The following MROH2B variants were observed in gnomAD, a reference collection of about 807,000 sequenced individuals.
MROH2B encodes maestro heat like repeat family member 2B, also known as maestro heat-like repeat-containing protein family member 2B.
Under a neutral mutation model 208.6 loss-of-function variants are expected in MROH2B, and 177 were observed. The observed-to-expected ratio is 0.85, with a 90% CI of 0.75 to 0.96. The LOEUF (loss-of-function observed/expected upper bound fraction) is 0.96, where lower values mean the gene tolerates loss of function less well. MROH2B is among the 40% of genes least tolerant of loss of function. The probability of loss-of-function intolerance (pLI) is 0.00; values close to 1 mark genes in which losing one functional copy is unlikely to be tolerated. For synonymous variants in MROH2B, 728 were observed against 659.0 expected (o/e 1.10, Z -1.60); for missense variants, 2,002 against 1,878.7 (o/e 1.07, Z -1.21).
chr5:41,057,347 AT>A lies in MROH2B; in HGVS notation c.769del (p.Ile257TyrfsTer2). 1 of 1,575,692 alleles carries A rather than the reference AT, an allele frequency of 6.3e-7. No individual in the cohort carries two copies. The highest frequency in any genetic ancestry group is 8.6e-7 in the Non-Finnish European group (1 of 1,159,490). On this transcript the variant is annotated frameshift_variant, in exon 8 of 42. Transcript: ENST00000399564. LOFTEE classifies it high-confidence loss of function. Reference sequence around the variant, plus strand: ...GTCATAAAGAACTGCTGCAGTCAGTATTTGTTTTAGGCTCTAAAGTGGAAAC... The same window carrying A: ...GTCATAAAGAACTGCTGCAGTCAGTATTGTTTTAGGCTCTAAAGTGGAAAC... ...DFHVTQSLKQ[I>X]LTAAVLYDIG... is the part of the protein sequence containing the mutation.
chr5:41,030,921 C>T (rs543813604), intron 24 of MROH2B, among the ~76,000 whole-genome samples: 1 of 152,000 alleles, frequency 6.6e-6, no homozygotes, highest in Admixed American at 6.6e-5. Flanking sequence ...TAAACATTAA[C>T]AAAAACTAAA....
intron 21 of MROH2B, among the ~76,000 whole-genome samples, 161 bp downstream of exon 21, chr5:41,038,575 G>A (rs1271846334): frequency 6.6e-6 from 1 of 152,086 alleles, no homozygotes; most frequent in African/African-American, 2.4e-5. Context: ...TTTTATGGCT[G>A]CATAGTAATC....
At chr5:41,023,322 A>G (rs868036605) in intron 24 of MROH2B, among the ~76,000 whole-genome samples, 2 of 152,230 alleles carry the variant, frequency 1.3e-5, no homozygotes, top group Non-Finnish European at 2.9e-5. Context: ...GCTAACTAGA[A>G]TAACCAGTGT....
At chr5:41,029,167 A>T (rs1470771471) in intron 24 of MROH2B, among the ~76,000 whole-genome samples, 3 of 152,190 alleles carry the variant, frequency 2.0e-5, no homozygotes, top group Middle Eastern at 3.4e-3. Flanking sequence ...CAGCTATCTT[A>T]ACAGGTATGA....
intron 6 of MROH2B, 170 bp from the exon 7 acceptor site, chr5:41,058,373 T>C (rs2150180020): frequency 1.6e-6 from 1 of 622,366 alleles, no homozygotes; most frequent in East Asian, 3.2e-5. Flanking sequence ...GTTAAGATCA[T>C]TGCATGGGAC....
intron 22 of MROH2B, 38 bp downstream of exon 22, chr5:41,033,800 T>C: frequency 8.2e-7 from 1 of 1,215,452 alleles, no homozygotes; most frequent in Non-Finnish European, 1.2e-6. Flanking sequence ...TATCTATCTA[T>C]CTATCTATCT....
chr5:41,004,345 C>G lies in MROH2B; in HGVS notation c.4194+1G>C, dbSNP rs1264651047. ...GGAAGTTCCTAAACAGGCTCACTTA[C>G]ATCTTCAAAGAAGGTCCTTGTTTGC... On this transcript the variant is annotated splice_donor_variant, in intron 37 of 41. Coordinates refer to ENST00000399564, the MANE Select transcript of MROH2B (RefSeq NM_173489.5). LOFTEE classifies it high-confidence loss of function. 2 of 1,612,426 alleles carry G rather than the reference C, an allele frequency of 1.2e-6. No homozygotes were observed. The highest frequency in any genetic ancestry group is 3.4e-5 in the Admixed American group (2 of 59,686).
intron 24 of MROH2B, among the ~76,000 whole-genome samples, chr5:41,021,265 A>T (rs977619360): frequency 2.0e-5 from 3 of 152,234 alleles, no homozygotes; most frequent in Non-Finnish European, 4.4e-5. Context: ...AAACACACTA[A>T]ACATTGTTGA....
At chr5:41,064,357 A>G (rs1213927168) in intron 5 of MROH2B, 115 bp downstream of exon 5, 3 of 777,170 alleles carry the variant, frequency 3.9e-6, no homozygotes, top group African/African-American at 1.7e-5. Flanking sequence ...AGTGGCAGCT[A>G]TTATTATTCA....
At position 41,058,073 on chromosome 5, in the gene MROH2B, T is replaced by C. The variant is rs761955287; in HGVS notation, c.746A>G (p.His249Arg). ...GGGTATGGCTCTTACCTGAGTGACATGGAAATCAATCTCTTTGTCTTTATA... is the reference window on the plus strand; with the variant it reads ...GGGTATGGCTCTTACCTGAGTGACACGGAAATCAATCTCTTTGTCTTTATA... ...NQYKDKEIDF[H>R]VTQSLKQILT... Residue 249 changes from histidine to arginine, a missense_variant, in exon 7 of 42, where the codon CAT becomes CGT. Coordinates refer to ENST00000399564, the MANE Select transcript of MROH2B (RefSeq NM_173489.5). The C allele has an allele frequency of 3.9e-5, 62 of 1,590,618 alleles. No homozygotes were observed. In the Admixed American group the frequency reaches 1.0e-3, roughly 26 times the overall value.
intron 28 of MROH2B, 56 bp from the exon 29 acceptor site, chr5:41,015,534 A>G: frequency 6.7e-7 from 1 of 1,500,530 alleles, no homozygotes; most frequent in Non-Finnish European, 9.2e-7. Context: ...TAGGGGTTGA[A>G]GAGGCTGGCT....
chr5:41,009,932 G>A lies in MROH2B; in HGVS notation c.3283C>T (p.Pro1095Ser), dbSNP rs1741721718. Residue 1095 changes from proline (P) to serine (S), a missense_variant, in exon 31 of 42, where the codon CCT (proline) becomes TCT (serine). Coordinates refer to ENST00000399564, the MANE Select transcript of MROH2B (RefSeq NM_173489.5). ...TCAATAAGGATCTACCTGTCAAAAG[G>A]CAGAGGCTTCTGTAAAAGGTTGACA... is the stretch of plus-strand genomic sequence containing the variant. Reference protein sequence around the residue: ...VVVNLLQKPLPFDRDTKTLWK... With the variant: ...VVVNLLQKPLSFDRDTKTLWK... The A allele has an allele frequency of 6.2e-7, 1 of 1,613,562 alleles. No individual in the cohort carries two copies. The highest frequency in any genetic ancestry group is 1.1e-5 in the South Asian group (1 of 91,028).
intron 18 of MROH2B, among the ~76,000 whole-genome samples, chr5:41,042,637 C>A (rs538020411): frequency 6.6e-6 from 1 of 151,932 alleles, no homozygotes; most frequent in African/African-American, 2.4e-5. Flanking sequence ...GGGGTCTCAC[C>A]CTGTTTGCCC....
At chr5:41,000,904 C>T in intron 37 of MROH2B, 71 bp from the exon 38 acceptor site, 4 of 1,486,706 alleles carry the variant, frequency 2.7e-6, no homozygotes, top group Non-Finnish European at 3.6e-6. Flanking sequence ...ACTCTTGGCT[C>T]TCATCCCACC....
chr5:41,070,562 C>T (rs1180728394), intron 1 of MROH2B, among the ~76,000 whole-genome samples: 1 of 152,142 alleles, frequency 6.6e-6, no homozygotes, highest in Non-Finnish European at 1.5e-5. Context: ...TAACAAACTG[C>T]CTTTCTTTGA....
At chr5:41,015,575 G>C in intron 28 of MROH2B, 97 bp from the exon 29 acceptor site, 2 of 1,040,874 alleles carry the variant, frequency 1.9e-6, no homozygotes, top group Non-Finnish European at 2.9e-6. Flanking sequence ...ATTAGCTGCT[G>C]TCTGATGAGA....
intron 9 of MROH2B, 92 bp downstream of exon 9, chr5:41,057,017 A>T (rs1743476490): frequency 1.6e-6 from 2 of 1,239,462 alleles, no homozygotes; most frequent in Non-Finnish European, 2.3e-6. Flanking sequence ...GTGTGAAAGT[A>T]AGTTAATGTG....
At chr5:41,058,540 C>G (rs1297698007) in intron 6 of MROH2B, among the ~76,000 whole-genome samples, 1 of 152,046 alleles carries the variant, frequency 6.6e-6, no homozygotes, top group Non-Finnish European at 1.5e-5. Context: ...TCACTGCAAC[C>G]TCCGCCTCCC....
intron 24 of MROH2B, among the ~76,000 whole-genome samples, chr5:41,020,045 G>A (rs1291919284): frequency 6.6e-6 from 1 of 151,968 alleles, no homozygotes; most frequent in Non-Finnish European, 1.5e-5. Flanking sequence ...TAGTTTTCAA[G>A]TTCTACAGCT....
Sources: gnomAD v4.1 joint callset for allele counts (sites outside exome capture counted in the v4.1 genomes callset) on GRCh38, gnomAD v4.1.1 for gene constraint, MANE v1.5 for transcripts, NCBI Gene and HGNC (gene_info 2026-07-23, HGNC 2026-07-21) for gene names.